The following PHLPP1 variants were observed in gnomAD, a reference collection of about 807,000 sequenced individuals.
PHLPP1 encodes the protein PH domain and leucine rich repeat protein phosphatase 1, also known as PH domain leucine-rich repeat-containing protein phosphatase 1.
A neutral mutation model predicts 117.2 loss-of-function variants in PHLPP1; 42 were observed. The observed-to-expected ratio is 0.36, with a 90% CI of 0.28 to 0.46. The LOEUF (loss-of-function observed/expected upper bound fraction) is 0.46. Ranked by LOEUF, PHLPP1 falls within the 20% of genes least tolerant of loss-of-function variation. The pLI is 1.00. For missense variants in PHLPP1, 2,084 were observed against 2,241.9 expected, an observed-to-expected ratio of 0.93 and a Z score of 1.42; for synonymous variants, 1,042 against 970.7, an observed-to-expected ratio of 1.07 and a Z score of -1.37.
At chr18:62,802,537 C>G (rs924911352) in intron 1 of PHLPP1, among the ~76,000 whole-genome samples, 1 of 152,172 alleles carries the variant, frequency 6.6e-6, no homozygotes, top group Non-Finnish European at 1.5e-5. Context: ...AGGACATGGA[C>G]TTCAAAATGC....
intron 1 of PHLPP1, among the ~76,000 whole-genome samples, chr18:62,744,869 A>G (rs1346349341): frequency 2.0e-5 from 3 of 152,238 alleles, no homozygotes; most frequent in African/African-American, 7.2e-5. Flanking sequence ...AATCAGGGAT[A>G]GGCTTCTTAA....
intron 2 of PHLPP1, among the ~76,000 whole-genome samples, chr18:62,835,773 GTTCTTT>G (rs1914876105): frequency 7.3e-6 from 1 of 137,874 alleles, no homozygotes; most frequent in Non-Finnish European, 1.6e-5. Context: ...AATTCAACTG[GTTCTTT>G]TTTTTTTTTT....
intron 8 of PHLPP1, among the ~76,000 whole-genome samples, chr18:62,905,655 A>C (rs928524653): frequency 1.3e-5 from 2 of 151,988 alleles, no homozygotes; most frequent in Non-Finnish European, 2.9e-5. Flanking sequence ...AACTCTGCCA[A>C]GTCTTAGGAT....
intron 1 of PHLPP1, among the ~76,000 whole-genome samples, chr18:62,825,009 C>T (rs1914571030): frequency 6.6e-6 from 1 of 151,948 alleles, no homozygotes; most frequent in Non-Finnish European, 1.5e-5. Context: ...TCAGTGCAAC[C>T]TCTGCCTCCC....
At chr18:62,930,627 C>T (rs1568165048) in intron 10 of PHLPP1, among the ~76,000 whole-genome samples, 1 of 152,180 alleles carries the variant, frequency 6.6e-6, no homozygotes, top group African/African-American at 2.4e-5. Context: ...TTCAGTATCT[C>T]ATTAAACAGA....
At chr18:62,793,420 T>G (rs1476062822) in intron 1 of PHLPP1, among the ~76,000 whole-genome samples, 3 of 152,232 alleles carry the variant, frequency 2.0e-5, no homozygotes, top group African/African-American at 4.8e-5. Context: ...TCATTCTAAC[T>G]GCCAGATTTA....
chr18:62,951,571 G>A (rs1041218527), intron 12 of PHLPP1, among the ~76,000 whole-genome samples: 2 of 152,092 alleles, frequency 1.3e-5, no homozygotes, highest in African/African-American at 4.8e-5. Context: ...GTGCACTCAC[G>A]CACCCAGAAA....
Position 62,944,988 on chromosome 18 carries a change from G to T in PHLPP1, c.3162-121G>T, listed in dbSNP as rs1385901661. On this transcript the variant is annotated intron_variant, in intron 11 of 16. Transcript: ENST00000262719. The stretch of plus-strand genomic sequence containing the variant: ...TACTCCAAAATGATAGTGAAAAAAT[G>T]GTCTTGTTTGTAAAAATGACTGTTA... The T allele has an allele frequency of 2.6e-5, 18 of 687,518 alleles. No individual in the cohort carries two copies. The South Asian group carries it at 4.3e-4, about 16-fold the overall frequency. The allele number at this position is 687,518 out of a possible 1,614,324, so 42.6% of individuals were successfully genotyped here. A position where few individuals can be genotyped will look rare whatever the true frequency, so the allele number is the denominator to read the frequency against.
intron 1 of PHLPP1, among the ~76,000 whole-genome samples, chr18:62,820,572 C>T (rs1448106107): frequency 6.6e-6 from 1 of 152,150 alleles, no homozygotes; most frequent in African/African-American, 2.4e-5. Flanking sequence ...CTCATGAGAC[C>T]TGATGGTTTT....
chr18:62,936,930 T>C (rs1355477109), intron 10 of PHLPP1, among the ~76,000 whole-genome samples: 1 of 152,234 alleles, frequency 6.6e-6, no homozygotes, highest in East Asian at 1.9e-4. Flanking sequence ...TCTGGAATGC[T>C]TCGGAGACAG....
chr18:62,783,906 C>T (rs777343652), intron 1 of PHLPP1, among the ~76,000 whole-genome samples: 2 of 152,104 alleles, frequency 1.3e-5, no homozygotes, highest in Non-Finnish European at 2.9e-5. Context: ...GTCTCTCATT[C>T]AAGAAAGGGC....
intron 10 of PHLPP1, among the ~76,000 whole-genome samples, chr18:62,924,109 G>A (rs1299721129): frequency 1.3e-5 from 2 of 152,152 alleles, no homozygotes; most frequent in South Asian, 2.1e-4. Flanking sequence ...AAAATTACAC[G>A]GTTGGTCTAG....
chr18:62,887,230 G>C (rs191219111), intron 4 of PHLPP1, among the ~76,000 whole-genome samples: 22 of 152,240 alleles, frequency 1.4e-4, no homozygotes, highest in Admixed American at 5.2e-4. Flanking sequence ...GACGTCGAAA[G>C]GCAGTAGATT....
intron 4 of PHLPP1, among the ~76,000 whole-genome samples, chr18:62,891,817 C>G (rs1304442815): frequency 7.0e-6 from 1 of 143,402 alleles, no homozygotes; most frequent in Non-Finnish European, 1.5e-5. Context: ...CATCTGAGCC[C>G]AGGAGGTTGA....
chr18:62,769,027 AAT>A (rs1299773841), intron 1 of PHLPP1, among the ~76,000 whole-genome samples: 1 of 152,238 alleles, frequency 6.6e-6, no homozygotes, highest in Non-Finnish European at 1.5e-5. Context: ...TTGAAAGTTT[AAT>A]ATATCATCTA....
intron 10 of PHLPP1, among the ~76,000 whole-genome samples, chr18:62,922,692 A>G (rs1460889888): frequency 2.0e-5 from 3 of 152,226 alleles, no homozygotes; most frequent in Admixed American, 6.5e-5. Flanking sequence ...AATTCTGGTA[A>G]GTTCACAACT....
chr18:62,849,616 C>T (rs1234672692), intron 3 of PHLPP1, among the ~76,000 whole-genome samples: 2 of 139,348 alleles, frequency 1.4e-5, no homozygotes, highest in Non-Finnish European at 3.0e-5. Flanking sequence ...CACCATTGCA[C>T]TCCAGCCTGG....
Position 62,812,395 on chromosome 18 carries a change from C to CCA in PHLPP1, c.1577-17631_1577-17630dup, listed in dbSNP as rs1228471634. The stretch of plus-strand genomic sequence containing the variant: ...CTGTCTAGCGTCATCATCCTGATTT[C>CCA]CACACACACAGCAGTGTGCATCACC... On this transcript the variant is annotated intron_variant, in intron 1 of 16. Transcript: ENST00000262719. Among the ~76,000 whole-genome samples, 5 of 152,258 alleles carry CCA rather than the reference C, an allele frequency of 3.3e-5. No homozygotes were observed. In the East Asian group the frequency reaches 9.6e-4, roughly 29 times the overall value.
chr18:62,727,615 CAAAAAAAAAA>C (rs71160863), intron 1 of PHLPP1, among the ~76,000 whole-genome samples: 1 of 61,528 alleles, frequency 1.6e-5, no homozygotes, highest in African/African-American at 6.7e-5. Context: ...GACCCTGTCT[CAAAAAAAAAA>C]AAAAAAAAGC....
Sources: allele counts gnomAD v4.1 joint callset (sites outside exome capture counted in the v4.1 genomes callset), GRCh38; gene constraint gnomAD v4.1.1; transcripts MANE v1.5; gene names NCBI Gene and HGNC (gene_info 2026-07-23, HGNC 2026-07-21).